The following PCGF5 variants were observed in gnomAD, a reference collection of about 807,000 sequenced individuals.
The protein encoded by PCGF5 is polycomb group RING finger protein 5.
PCGF5 carries 9 observed loss-of-function variants against 44.3 expected under a neutral mutation model. The observed-to-expected ratio is 0.20, with a 90% CI of 0.12 to 0.35. The LOEUF is 0.35. Among genes scored for constraint, PCGF5 ranks in the 10% least tolerant of loss-of-function variants. The probability of loss-of-function intolerance (pLI) is 1.00; values close to 1 mark genes in which losing one functional copy is unlikely to be tolerated. For synonymous variants in PCGF5, 95 were observed against 102.5 expected, an observed-to-expected ratio of 0.93 and a Z score of 0.44; for missense variants, 146 against 305.3, an observed-to-expected ratio of 0.48 and a Z score of 3.89.
chr10:91,167,501 A>G (rs545702668), intron 1 of PCGF5, among the ~76,000 whole-genome samples: 10 of 152,358 alleles, frequency 6.6e-5, no homozygotes, highest in South Asian at 2.1e-4. Context: ...GACGACTTCA[A>G]TCGGCAAAAA....
In PCGF5 at chr10:91,178,121, C is replaced by T. The variant is rs74149072; in HGVS notation, c.-184+15040C>T. Among the ~76,000 whole-genome samples the T allele has an allele frequency of 5.1e-3, 777 of 152,136 alleles. 8 individuals are homozygous for T. The highest frequency in any genetic ancestry group is 0.018 in the African/African-American group (739 of 41,492). On this transcript the variant is annotated intron_variant, in intron 1 of 9. Coordinates refer to the PCGF5 transcript ENST00000614189. ...CAAAAGACACAGACAAAATGTTGACCCTGGCCATAACTGACTGCAATGTAG... is the reference window on the plus strand; with the variant it reads ...CAAAAGACACAGACAAAATGTTGACTCTGGCCATAACTGACTGCAATGTAG...
At chr10:91,182,955 A>G (rs1843849187) in intron 1 of PCGF5, among the ~76,000 whole-genome samples, 1 of 152,116 alleles carries the variant, frequency 6.6e-6, no homozygotes, top group South Asian at 2.1e-4. Flanking sequence ...TTGAGTTCTA[A>G]TTTGATTGTG....
chr10:91,221,703 GAGGA>G (rs1438634821), intron 1 of PCGF5, among the ~76,000 whole-genome samples: 1 of 146,562 alleles, frequency 6.8e-6, no homozygotes, highest in Admixed American at 6.7e-5. Flanking sequence ...TGTTTTCTGA[GAGGA>G]TACATATTTT....
chr10:91,176,922 C>T (rs1397901196), intron 1 of PCGF5, among the ~76,000 whole-genome samples: 4 of 152,218 alleles, frequency 2.6e-5, no homozygotes, highest in South Asian at 4.1e-4. Context: ...AGTCTTTCTC[C>T]GTCCAGCTTT....
chr10:91,201,362 T>G (rs562404425), intron 1 of PCGF5, among the ~76,000 whole-genome samples: 10 of 152,112 alleles, frequency 6.6e-5, no homozygotes, highest in Non-Finnish European at 8.8e-5. Flanking sequence ...CCAGTGACAT[T>G]ACTAATCTTA....
intron 1 of PCGF5, among the ~76,000 whole-genome samples, chr10:91,167,569 T>G (rs1337784390): frequency 6.6e-6 from 1 of 152,104 alleles, no homozygotes; most frequent in Admixed American, 6.5e-5. Context: ...ATGTCCAGGA[T>G]TTGAGAAGAA....
In PCGF5 at chr10:91,279,704, A is replaced by C. The variant is rs1197173875; in HGVS notation, c.*1388A>C. 1 of 152,146 alleles carries C rather than the reference A, an allele frequency of 6.6e-6. No individual in the cohort carries two copies. Among genetic ancestry groups the C allele is most frequent in the African/African-American group, 2.4e-5 (1 of 41,460 alleles). 9.4% of individuals were successfully genotyped at this position (152,146 alleles called of 1,614,324 possible). A position where few individuals can be genotyped will look rare whatever the true frequency, so the allele number is the denominator to read the frequency against. ...AGCTAACCTTTGAAACTTAGGAAAA[A>C]ATCTTGAAAGTTAGGAAAAATATTT... On this transcript the variant is annotated 3_prime_UTR_variant, in exon 10 of 10. Transcript: ENST00000336126.
rs555379704 is a variant in PCGF5, at chr10:91,283,478, A to G, written c.*5162A>G. The stretch of plus-strand genomic sequence containing the variant: ...TGGAGCTTCATGGAATAAGAAACTA[A>G]TCTAGTGCAAATGAAGATTAAATAT... On this transcript the variant is annotated 3_prime_UTR_variant, in exon 10 of 10. Coordinates refer to ENST00000336126, the MANE Select transcript of PCGF5 (RefSeq NM_032373.5). 1 of 152,360 alleles carries G rather than the reference A, an allele frequency of 6.6e-6. No individual in the cohort carries two copies. The highest frequency in any genetic ancestry group is 2.1e-4 in the South Asian group (1 of 4,832). The allele number at this position is 152,360 out of a possible 1,614,324, so 9.4% of individuals were successfully genotyped here. A position where few individuals can be genotyped will look rare whatever the true frequency, so the allele number is the denominator to read the frequency against.
intron 1 of PCGF5, among the ~76,000 whole-genome samples, chr10:91,195,619 A>G (rs1485139608): frequency 1.4e-5 from 2 of 146,926 alleles, no homozygotes; most frequent in East Asian, 4.6e-4. Flanking sequence ...ATTTTTTTGT[A>G]GAGATGAGGT....
At chr10:91,206,125 G>C (rs1844344168) in intron 1 of PCGF5, among the ~76,000 whole-genome samples, 1 of 152,184 alleles carries the variant, frequency 6.6e-6, no homozygotes, top group Admixed American at 6.5e-5. Flanking sequence ...TTATAAAATA[G>C]TGCCACAAAT....
At chr10:91,198,243 C>G (rs905479344) in intron 1 of PCGF5, among the ~76,000 whole-genome samples, 6 of 152,218 alleles carry the variant, frequency 3.9e-5, no homozygotes, top group African/African-American at 1.4e-4. Flanking sequence ...GAGACCCATC[C>G]TGTCTCCCTG....
At chr10:91,241,598 A>G (rs775714647) in intron 3 of PCGF5, among the ~76,000 whole-genome samples, 4 of 151,114 alleles carry the variant, frequency 2.6e-5, no homozygotes, top group Non-Finnish European at 5.9e-5. Context: ...TTAAGAAACT[A>G]CTCGTCTAGA....
At chr10:91,246,468 G>A (rs1294418377) in intron 3 of PCGF5, among the ~76,000 whole-genome samples, 2 of 152,166 alleles carry the variant, frequency 1.3e-5, no homozygotes, top group African/African-American at 4.8e-5. Context: ...ATGGTTTGTA[G>A]GTTGGACTCA....
At chr10:91,216,959 G>C (rs1844552278), upstream of PCGF5, among the ~76,000 whole-genome samples, 1 of 152,134 alleles carries the variant, frequency 6.6e-6, no homozygotes, top group Non-Finnish European at 1.5e-5. Context: ...ACAGAGAGTA[G>C]TTTATATGTT....
intron 3 of PCGF5, among the ~76,000 whole-genome samples, chr10:91,242,983 A>AAAGACATAAACTCAGAGATAATAAAAAC (rs1845369255): frequency 6.6e-6 from 1 of 152,192 alleles, no homozygotes; most frequent in African/African-American, 2.4e-5. Flanking sequence ...GAATTTTTTT[A>AAAGACATAAACTCAGAGATAATAAAAAC]AAGACATAAA....
chr10:91,210,086 T>C (rs1452465084), intron 1 of PCGF5, among the ~76,000 whole-genome samples: 1 of 152,240 alleles, frequency 6.6e-6, no homozygotes, highest in Non-Finnish European at 1.5e-5. Context: ...ATTTCTAACA[T>C]ATAAATGATT....
chr10:91,160,095 T>C (rs150045058), upstream of PCGF5, among the ~76,000 whole-genome samples: 8 of 152,326 alleles, frequency 5.3e-5, no homozygotes, highest in East Asian at 1.5e-3. Flanking sequence ...TTATCCCTTG[T>C]TTCAGTCAAC....
upstream of PCGF5, among the ~76,000 whole-genome samples, chr10:91,161,492 G>GGGC (rs1843382011): frequency 6.6e-6 from 1 of 152,206 alleles, no homozygotes; most frequent in Non-Finnish European, 1.5e-5. Flanking sequence ...AAGGCTCTTA[G>GGGC]CCTAGGAATT....
At chr10:91,192,160 G>A (rs555528861) in intron 1 of PCGF5, among the ~76,000 whole-genome samples, 1 of 152,246 alleles carries the variant, frequency 6.6e-6, no homozygotes, top group East Asian at 1.9e-4. Flanking sequence ...ACTCATTTCT[G>A]ATAGTACTTC....
Sources: gnomAD v4.1 joint callset for allele counts (sites outside exome capture counted in the v4.1 genomes callset) on GRCh38, gnomAD v4.1.1 for gene constraint, MANE v1.5 for transcripts, NCBI Gene and HGNC (gene_info 2026-07-23, HGNC 2026-07-21) for gene names.